Variants in DNAI1 observed in about 807,000 individuals in gnomAD.
DNAI1 encodes the protein dynein, axonemal, intermediate polypeptide 1.
Under a neutral mutation model 92.0 loss-of-function variants are expected in DNAI1, and 67 were observed. That is an observed-to-expected ratio of 0.73 (90% confidence interval 0.60 to 0.89). The LOEUF (loss-of-function observed/expected upper bound fraction) is 0.89. Ranked by LOEUF, DNAI1 falls within the 40% of genes least tolerant of loss-of-function variation. DNAI1 has a pLI of 0.00. For missense variants in DNAI1, 839 were observed against 866.6 expected, an observed-to-expected ratio of 0.97 and a Z score of 0.40; for synonymous variants, 323 against 319.6, an observed-to-expected ratio of 1.01 and a Z score of -0.11.
intron 11 of DNAI1, 130 bp downstream of exon 11, chr9:34,500,969 A>G: frequency 1.0e-6 from 1 of 999,072 alleles, no homozygotes; most frequent in South Asian, 1.3e-5. Flanking sequence ...TGGAACTTGG[A>G]TTCTTATGGG....
chr9:34,504,823 T>C (rs1824894183), intron 12 of DNAI1, among the ~76,000 whole-genome samples: 1 of 152,192 alleles, frequency 6.6e-6, no homozygotes, highest in African/African-American at 2.4e-5. Flanking sequence ...CCCCTGCCTT[T>C]GGAAACTGTG....
In DNAI1 at chr9:34,501,055, C is replaced by T. The variant is rs1016998194; in HGVS notation, c.1020-83C>T. ...AACAGATGTCTGTAGTATATTTAGGCACCAGTGCCAATGGGAAGGCCCTTG... is the reference window on the plus strand; with the variant it reads ...AACAGATGTCTGTAGTATATTTAGGTACCAGTGCCAATGGGAAGGCCCTTG... On this transcript the variant is annotated intron_variant, in intron 11 of 19. Coordinates refer to ENST00000242317, the MANE Select transcript of DNAI1 (RefSeq NM_012144.4). 8.4e-6 allele frequency: 10 copies of T among 1,185,162 alleles called. No homozygotes were observed. In the African/African-American group the frequency reaches 9.0e-5, roughly 11 times the overall value. 73.4% of individuals were successfully genotyped at this position (1,185,162 alleles called of 1,614,324 possible). A position where few individuals can be genotyped will look rare whatever the true frequency, so the allele number is the denominator to read the frequency against.
At chr9:34,493,118 G>A in intron 8 of DNAI1, 76 bp from the exon 9 acceptor site, 1 of 1,604,632 alleles carries the variant, frequency 6.2e-7, no homozygotes, top group Non-Finnish European at 8.5e-7. Flanking sequence ...AATTCCTTAA[G>A]TCTTGAAGGC....
chr9:34,462,372 C>T (rs1298677335), intron 1 of DNAI1, among the ~76,000 whole-genome samples: 1 of 152,152 alleles, frequency 6.6e-6, no homozygotes, highest in Non-Finnish European at 1.5e-5. Context: ...ATTCATATTT[C>T]GGGTCTAAGC....
chr9:34,519,124 G>C lies in DNAI1; in HGVS notation c.2002-1534G>C, dbSNP rs1052230654. Among the ~76,000 whole-genome samples the C allele has an allele frequency of 2.6e-5, 4 of 152,268 alleles. No homozygotes were observed. The East Asian group carries it at 7.7e-4, about 29-fold the overall frequency. On this transcript the variant is annotated intron_variant, in intron 19 of 19. Transcript: ENST00000242317. ...GTACTTGAGTGGATTAGAGGTTCCC[G>C]TGAAATTGCCATCTGACCCTATCAG...
chr9:34,518,223 T>C (rs923974735), intron 19 of DNAI1, among the ~76,000 whole-genome samples: 3 of 152,246 alleles, frequency 2.0e-5, no homozygotes, highest in Admixed American at 1.3e-4. Flanking sequence ...GGATCAGGAC[T>C]GGGCCAGCTT....
At chr9:34,500,932 T>A in intron 11 of DNAI1, 93 bp downstream of exon 11, 1 of 1,097,446 alleles carries the variant, frequency 9.1e-7, no homozygotes, top group Non-Finnish European at 1.4e-6. Context: ...CCACCTTGAG[T>A]ATGACATGTG....
chr9:34,519,739 T>G (rs913827924), intron 19 of DNAI1, among the ~76,000 whole-genome samples: 1 of 151,978 alleles, frequency 6.6e-6, no homozygotes, highest in Non-Finnish European at 1.5e-5. Flanking sequence ...CAGACCAAGG[T>G]AAGGCTGGGG....
At chr9:34,472,596 T>C (rs1258649890) in intron 1 of DNAI1, among the ~76,000 whole-genome samples, 1 of 152,190 alleles carries the variant, frequency 6.6e-6, no homozygotes, top group Non-Finnish European at 1.5e-5. Flanking sequence ...ATAAAAGTAA[T>C]GCATATTCAC....
At position 34,506,780 on chromosome 9, in the gene DNAI1, G is replaced by A. The variant is rs998187708; in HGVS notation, c.1217G>A (p.Gly406Asp). Residue 406 changes from glycine to aspartate, a missense_variant, in exon 13 of 20, where the codon GGC becomes GAC. Physicochemically the swap from Gly to Asp is moderately conservative, Grantham distance 94. Transcript: ENST00000242317. ...PYLVAVGHYD[G>D]NVAIYNLKKP... ...CTGGTGGCAGTAGGCCACTATGACG[G>A]CAACGTGGCCATTTACAACCTCAAG... The A allele has an allele frequency of 1.9e-6, 3 of 1,614,140 alleles. No individual in the cohort carries two copies. Among genetic ancestry groups the A allele is most frequent in the Non-Finnish European group, 2.5e-6 (3 of 1,180,032 alleles).
intron 8 of DNAI1, among the ~76,000 whole-genome samples, chr9:34,491,859 G>T (rs1401303640): frequency 6.6e-6 from 1 of 152,154 alleles, no homozygotes; most frequent in Non-Finnish European, 1.5e-5. Context: ...TTGCTTCGAT[G>T]GACTCTCTGG....
chr9:34,508,348 G>T (rs1422684158), intron 13 of DNAI1, among the ~76,000 whole-genome samples: 1 of 152,174 alleles, frequency 6.6e-6, no homozygotes, highest in Non-Finnish European at 1.5e-5. Context: ...TGGGGCAGAG[G>T]GTGGGAGGGA....
intron 9 of DNAI1, among the ~76,000 whole-genome samples, chr9:34,494,793 A>G (rs1824683145): frequency 6.6e-6 from 1 of 152,206 alleles, no homozygotes; most frequent in Admixed American, 6.5e-5. Flanking sequence ...CCAAGAGTCC[A>G]CATGGGAGGC....
rs201120508 is a variant in DNAI1, at chr9:34,485,240, G to A, written c.180G>A (p.Ala60=). Residue 60 remains alanine, a splice_region_variant and synonymous_variant, in exon 3 of 20, where the codon GCG becomes GCA. Coordinates refer to ENST00000242317, the MANE Select transcript of DNAI1 (RefSeq NM_012144.4). ...RPPDQLELTD[A]ELKEEFTRIL... is the part of the protein sequence containing the mutation. ...CTGACCAGCTGGAGTTGACCGATGC[G>A]GTGAGTGAGTAGCCTCTTGTTCTTG... 140 of 1,614,042 alleles carry A rather than the reference G, an allele frequency of 8.7e-5. No individual in the cohort carries two copies. The highest frequency in any genetic ancestry group is 2.0e-4 in the African/African-American group (15 of 74,912).
intron 1 of DNAI1, among the ~76,000 whole-genome samples, chr9:34,467,050 A>G (rs1018189100): frequency 6.6e-6 from 1 of 152,216 alleles, no homozygotes; most frequent in Non-Finnish European, 1.5e-5. Context: ...AACCAAAGCT[A>G]GAAGGAGGTA....
intron 12 of DNAI1, among the ~76,000 whole-genome samples, chr9:34,504,004 CAG>C (rs1386298646): frequency 6.6e-6 from 1 of 152,174 alleles, no homozygotes; most frequent in Non-Finnish European, 1.5e-5. Context: ...AGCAGGGAAA[CAG>C]GGACTTCTCA....
chr9:34,471,177 A>G (rs1157969830), intron 1 of DNAI1, among the ~76,000 whole-genome samples: 4 of 152,218 alleles, frequency 2.6e-5, no homozygotes, highest in Admixed American at 2.6e-4. Flanking sequence ...CTGTAATCCC[A>G]GCACTTTGGG....
At chr9:34,469,197 A>C (rs973054825) in intron 1 of DNAI1, among the ~76,000 whole-genome samples, 2 of 152,076 alleles carry the variant, frequency 1.3e-5, no homozygotes, top group Non-Finnish European at 2.9e-5. Flanking sequence ...ACAGGGAAAC[A>C]ATTATATGAA....
chr9:34,512,081 C>G lies in DNAI1; in HGVS notation c.1312-28C>G, dbSNP rs759699806. The G allele has an allele frequency of 9.9e-6, 16 of 1,609,932 alleles. No individual in the cohort carries two copies. The South Asian group carries it at 1.8e-4, about 18-fold the overall frequency. On this transcript the variant is annotated intron_variant, in intron 13 of 19. Coordinates refer to ENST00000242317, the MANE Select transcript of DNAI1 (RefSeq NM_012144.4). ...CCTAACTCAACACTTTAGCAGGGTCCCAGAGCTCACATTTTGGGATGTTTC... is the reference window on the plus strand; with the variant it reads ...CCTAACTCAACACTTTAGCAGGGTCGCAGAGCTCACATTTTGGGATGTTTC...
Sources: gnomAD v4.1 joint callset for allele counts (sites outside exome capture counted in the v4.1 genomes callset) on GRCh38, gnomAD v4.1.1 for gene constraint, MANE v1.5 for transcripts, NCBI Gene and HGNC (gene_info 2026-07-23, HGNC 2026-07-21) for gene names.